The following PARD3 variants were observed in gnomAD, a reference collection of about 807,000 sequenced individuals.
PARD3 encodes partitioning defective 3 homolog.
PARD3 carries 75 observed loss-of-function variants against 155.4 expected under a neutral mutation model. The ratio of observed to expected loss-of-function variants is 0.48; its 90% CI spans 0.40 to 0.58. The LOEUF is 0.58. Among genes scored for constraint, PARD3 ranks in the 20% least tolerant of loss-of-function variants. PARD3 has a pLI of 0.00. For synonymous variants in PARD3, 576 were observed against 610.5 expected, an observed-to-expected ratio of 0.94 and a Z score of 0.83; for missense variants, 1,642 against 1,721.7, an observed-to-expected ratio of 0.95 and a Z score of 0.82.
chr10:34,342,155 T>C (rs1475755416), intron 15 of PARD3, among the ~76,000 whole-genome samples: 2 of 152,174 alleles, frequency 1.3e-5, no homozygotes, highest in Admixed American at 1.3e-4. Flanking sequence ...CTTTGAAAAA[T>C]TACCAGGAAA....
At position 34,448,943 on chromosome 10, in the gene PARD3, G is replaced by C. The variant is rs1157659826; in HGVS notation, c.714+1374C>G. Among the ~76,000 whole-genome samples the C allele has an allele frequency of 1.8e-4, 25 of 137,678 alleles. 1 individual carries two copies. The South Asian group carries it at 5.2e-3, about 29-fold the overall frequency. The allele number at this position is 137,678 out of a possible 152,430, so 90.3% of individuals were successfully genotyped here. ...CTTTTTTTTTTTTTTTTTTGAGAGA[G>C]AGTCTCACTCTGTCGCCCAGGCTAG... On this transcript the variant is annotated intron_variant, in intron 5 of 24. Transcript: ENST00000374788.
intron 12 of PARD3, among the ~76,000 whole-genome samples, chr10:34,369,454 T>G (rs1024237139): frequency 6.6e-6 from 1 of 152,110 alleles, no homozygotes; most frequent in South Asian, 2.1e-4. Flanking sequence ...GTGCCTGAAC[T>G]AAGTCATGGA....
At chr10:34,405,980 CTG>C (rs1186107875) in intron 5 of PARD3, among the ~76,000 whole-genome samples, 2 of 152,144 alleles carry the variant, frequency 1.3e-5, no homozygotes, top group Non-Finnish European at 2.9e-5. Flanking sequence ...GACTTCTGTT[CTG>C]TGTGTGTATA....
chr10:34,181,464 C>T (rs1950264067), intron 22 of PARD3, among the ~76,000 whole-genome samples: 1 of 151,890 alleles, frequency 6.6e-6, no homozygotes, highest in South Asian at 2.1e-4. Flanking sequence ...CTCAGAATTT[C>T]CCTACCAAGC....
chr10:34,769,799 C>CAA (rs372925164), intron 1 of PARD3, among the ~76,000 whole-genome samples: 1,707 of 66,542 alleles, frequency 0.026, 30 homozygotes, highest in African/African-American at 0.088. Context: ...AACAAAAAAA[C>CAA]AAAACAAAAA....
At chr10:34,160,860 A>G (rs551279399) in intron 22 of PARD3, among the ~76,000 whole-genome samples, 3 of 152,210 alleles carry the variant, frequency 2.0e-5, no homozygotes, top group African/African-American at 4.8e-5. Context: ...GAACCTGTTT[A>G]TAGTACCTAG....
chr10:34,664,557 C>A (rs1380641632), intron 2 of PARD3, among the ~76,000 whole-genome samples: 1 of 152,110 alleles, frequency 6.6e-6, no homozygotes, highest in Non-Finnish European at 1.5e-5. Context: ...GGTATCTCAG[C>A]TCACAGCAGC....
intron 2 of PARD3, among the ~76,000 whole-genome samples, chr10:34,540,095 C>T (rs986828344): frequency 2.0e-5 from 3 of 152,136 alleles, no homozygotes; most frequent in East Asian, 1.9e-4. Context: ...TTCCCAGGGT[C>T]GTGGCCCTCA....
chr10:34,480,891 T>G (rs2079044737), intron 3 of PARD3, among the ~76,000 whole-genome samples: 1 of 151,336 alleles, frequency 6.6e-6, no homozygotes, highest in South Asian at 2.1e-4. Flanking sequence ...AACCTCCGCT[T>G]CTCAGGTTCA....
intron 2 of PARD3, among the ~76,000 whole-genome samples, chr10:34,669,483 C>A (rs1178181204): frequency 6.6e-6 from 1 of 152,034 alleles, no homozygotes; most frequent in African/African-American, 2.4e-5. Flanking sequence ...TGGGAAAGTA[C>A]TTAATGGGTA....
In PARD3 at chr10:34,776,839, G is replaced by C. The variant is rs1263722632; in HGVS notation, c.120+38037C>G. Among the ~76,000 whole-genome samples, 3 of 131,010 alleles carry C rather than the reference G, an allele frequency of 2.3e-5. No homozygotes were observed. The East Asian group carries it at 7.9e-4, about 35-fold the overall frequency. The allele number at this position is 131,010 out of a possible 152,430, so 85.9% of individuals were successfully genotyped here. The stretch of plus-strand genomic sequence containing the variant: ...ATTTTCAGTCGTGTTTTTTTGTGGG[G>C]GGGGGGGGCGGGTGGGGGATGGAGT... On this transcript the variant is annotated intron_variant, in intron 1 of 24. Transcript: ENST00000374788.
At chr10:34,565,597 T>C (rs751418848) in intron 2 of PARD3, among the ~76,000 whole-genome samples, 2 of 152,090 alleles carry the variant, frequency 1.3e-5, no homozygotes, top group Non-Finnish European at 2.9e-5. Flanking sequence ...TGTAAATAAC[T>C]TGCTCTTTAA....
Position 34,130,678 on chromosome 10 carries a change from G to C in PARD3, c.3540+785C>G, listed in dbSNP as rs191882135. Among the ~76,000 whole-genome samples the C allele has an allele frequency of 8.5e-5, 13 of 152,324 alleles. No individual in the cohort carries two copies. The East Asian group carries it at 2.5e-3, about 29-fold the overall frequency. ...TCTGGCACTGAGAAAGCCATCTGAA[G>C]TTTTTTCACTCTGGTGGCTATGAGG... On this transcript the variant is annotated intron_variant, in intron 23 of 24. Transcript: ENST00000374788.
At chr10:34,470,672 G>C (rs991511911) in intron 3 of PARD3, among the ~76,000 whole-genome samples, 3 of 152,116 alleles carry the variant, frequency 2.0e-5, no homozygotes, top group African/African-American at 7.2e-5. Context: ...ACTCAGTAGA[G>C]AGTAATATAA....
chr10:34,353,534 C>T lies in PARD3; in HGVS notation c.2068-5419G>A, dbSNP rs113379774. Among the ~76,000 whole-genome samples, 1,377 of 152,154 alleles carry T rather than the reference C, an allele frequency of 9.1e-3. 21 individuals carry two copies. Among genetic ancestry groups the T allele is most frequent in the African/African-American group, 0.032 (1,308 of 41,514 alleles). On this transcript the variant is annotated intron_variant, in intron 14 of 24. Transcript: ENST00000374788. ...TGAAGGCAGCAAGCTCTTTAAAAGT[C>T]ATCACCACTCCCTAATCTCAAGTAC...
chr10:34,459,105 A>G (rs1365259304), intron 4 of PARD3, among the ~76,000 whole-genome samples: 2 of 152,266 alleles, frequency 1.3e-5, no homozygotes, highest in African/African-American at 4.8e-5. Flanking sequence ...TACTGAAACA[A>G]TTTAAAAACA....
At chr10:34,537,970 G>A (rs1589927688) in intron 2 of PARD3, among the ~76,000 whole-genome samples, 1 of 152,142 alleles carries the variant, frequency 6.6e-6, no homozygotes, top group Non-Finnish European at 1.5e-5. Context: ...GTCAGACAGC[G>A]AAGTACACTT....
chr10:34,246,566 C>T (rs1207406088), intron 22 of PARD3, among the ~76,000 whole-genome samples: 1 of 152,144 alleles, frequency 6.6e-6, no homozygotes, highest in African/African-American at 2.4e-5. Flanking sequence ...GAGAACTACA[C>T]AGAGAAAGAG....
At chr10:34,219,860 A>G (rs1952189907) in intron 22 of PARD3, among the ~76,000 whole-genome samples, 1 of 152,210 alleles carries the variant, frequency 6.6e-6, no homozygotes, top group African/African-American at 2.4e-5. Context: ...GCAAGACTCT[A>G]CAGAGTTTAA....
Sources: allele counts gnomAD v4.1 joint callset (sites outside exome capture counted in the v4.1 genomes callset), GRCh38; gene constraint gnomAD v4.1.1; transcripts MANE v1.5; gene names NCBI Gene and HGNC (gene_info 2026-07-23, HGNC 2026-07-21).